Variants in CSMD3 observed in about 807,000 individuals in gnomAD.
CSMD3 encodes CUB and sushi domain-containing protein 3.
A neutral mutation model predicts 435.2 loss-of-function variants in CSMD3; 177 were observed. That is an observed-to-expected ratio of 0.41 (90% CI 0.36 to 0.46). The LOEUF (loss-of-function observed/expected upper bound fraction) is 0.46, where lower values mean the gene tolerates loss of function less well. CSMD3 is among the 20% of genes least tolerant of loss of function. The probability of loss-of-function intolerance (pLI) is 0.34; values close to 1 mark genes in which losing one functional copy is unlikely to be tolerated. For synonymous variants in CSMD3, 1,656 were observed against 1,520.5 expected (o/e 1.09, Z -2.07); for missense variants, 4,265 against 4,504.6 (o/e 0.95, Z 1.52).
chr8:113,436,620 A>G (rs2094708136), intron 1 of CSMD3, 57 bp downstream of exon 1: 2 of 1,500,816 alleles, frequency 1.3e-6, no homozygotes, highest in East Asian at 2.3e-5. Context: ...GCCTCTCTCC[A>G]TCTACAAGTC....
At chr8:113,185,852 G>A (rs954673711) in intron 3 of CSMD3, among the ~76,000 whole-genome samples, 40 of 152,098 alleles carry the variant, frequency 2.6e-4, no homozygotes, top group African/African-American at 9.1e-4. Flanking sequence ...CATAATCAGT[G>A]TCTATTCCTA....
chr8:112,234,968 A>G (rs1053720840), intron 67 of CSMD3, among the ~76,000 whole-genome samples: 2 of 152,200 alleles, frequency 1.3e-5, no homozygotes, highest in Non-Finnish European at 2.9e-5. Context: ...TAGGAGGTAT[A>G]AGTAAGGTAC....
At chr8:113,343,265 C>T (rs1301182374) in intron 1 of CSMD3, among the ~76,000 whole-genome samples, 1 of 152,032 alleles carries the variant, frequency 6.6e-6, no homozygotes, top group Non-Finnish European at 1.5e-5. Flanking sequence ...AAAATATGGT[C>T]TTAATGAGTT....
At chr8:112,926,385 C>T (rs2082912875) in intron 9 of CSMD3, among the ~76,000 whole-genome samples, 1 of 151,978 alleles carries the variant, frequency 6.6e-6, no homozygotes, top group South Asian at 2.1e-4. Flanking sequence ...TCTGCCCTAC[C>T]CAGCCAAATA....
intron 67 of CSMD3, among the ~76,000 whole-genome samples, chr8:112,236,092 T>C (rs1563669315): frequency 6.6e-6 from 1 of 151,996 alleles, no homozygotes; most frequent in East Asian, 1.9e-4. Flanking sequence ...TAACTTCTAA[T>C]ATTTTTACTT....
chr8:112,559,503 GC>G (rs1158307830), intron 24 of CSMD3, among the ~76,000 whole-genome samples: 1 of 151,768 alleles, frequency 6.6e-6, no homozygotes, highest in Middle Eastern at 3.2e-3. Flanking sequence ...TCATGGTGTT[GC>G]CCCCAGGAGT....
chr8:112,304,900 C>T lies in CSMD3; in HGVS notation c.8087G>A (p.Ser2696Asn), dbSNP rs2130779684. ...TPRCVVVTCP[S>N]INSFILEHGR... Reference sequence around the variant, plus strand: ...ATGTTCCAAGATAAAGGAATTGATGCTTGGACATGTAACAACTATACAAAA... The same window carrying T: ...ATGTTCCAAGATAAAGGAATTGATGTTTGGACATGTAACAACTATACAAAA... The change falls in exon 52 of 71, where the codon AGC (serine) becomes AAC (asparagine). Residue 2696 changes from serine (S) to asparagine (N), a missense_variant. Physicochemically the swap from Ser to Asn is conservative, Grantham distance 46 (BLOSUM62 1). Transcript: ENST00000297405. 2 of 1,613,432 alleles carry T rather than the reference C, an allele frequency of 1.2e-6. No homozygotes were observed. Among genetic ancestry groups the T allele is most frequent in the Non-Finnish European group, 1.7e-6 (2 of 1,179,686 alleles).
intron 27 of CSMD3, among the ~76,000 whole-genome samples, chr8:112,544,461 G>T (rs953125180): frequency 6.6e-6 from 1 of 151,984 alleles, no homozygotes; most frequent in African/African-American, 2.4e-5. Context: ...AAATAATAGT[G>T]TTTCATTTAA....
intron 22 of CSMD3, among the ~76,000 whole-genome samples, chr8:112,636,417 T>A (rs2074658206): frequency 6.6e-6 from 1 of 152,134 alleles, no homozygotes. Context: ...CAGAATATAC[T>A]ATCAATAGAA....
chr8:112,517,089 G>A lies in CSMD3; in HGVS notation c.4701C>T (p.Thr1567=), dbSNP rs373293740. Residue 1567 remains threonine, a synonymous_variant, in exon 28 of 71, where the codon ACC becomes ACT. Coordinates refer to ENST00000297405, the MANE Select transcript of CSMD3 (RefSeq NM_198123.2). ...AGTACCGATTTTCTACCTGAATGCA[G>A]GTTATTCTTTCCTCTCCTTGAAGTT... ...GYELQGEERI[T]CIQVENRYFW... is the part of the protein sequence containing the mutation. 78 of 1,613,874 alleles carry A rather than the reference G, an allele frequency of 4.8e-5. No homozygotes were observed. The highest frequency in any genetic ancestry group is 3.3e-4 in the Middle Eastern group (2 of 6,032).
At chr8:113,324,183 G>A (rs1217671425) in intron 1 of CSMD3, among the ~76,000 whole-genome samples, 1 of 152,174 alleles carries the variant, frequency 6.6e-6, no homozygotes, top group Non-Finnish European at 1.5e-5. Context: ...CATTTTCTGA[G>A]GAGAAATTCA....
At position 112,829,827 on chromosome 8, in the gene CSMD3, C is replaced by T. The variant is rs202177968; in HGVS notation, c.1756-38G>A. ...AGAAACATGCACCTTAAATATACTG[C>T]GTTGTGCAATAAAAACAACAAAAAA... On this transcript the variant is annotated intron_variant, in intron 11 of 70. Transcript: ENST00000297405. 5.5e-5 allele frequency: 61 copies of T among 1,108,392 alleles called. 1 individual carries two copies. Among genetic ancestry groups the T allele is most frequent in the East Asian group, 1.7e-4 (7 of 41,748 alleles). The allele number at this position is 1,108,392 out of a possible 1,614,324, so 68.7% of individuals were successfully genotyped here. A position where few individuals can be genotyped will look rare whatever the true frequency, so the allele number is the denominator to read the frequency against.
chr8:112,537,747 A>G (rs1442428874), intron 27 of CSMD3, among the ~76,000 whole-genome samples: 2 of 151,880 alleles, frequency 1.3e-5, no homozygotes, highest in African/African-American at 2.4e-5. Flanking sequence ...AAAGTCCCCC[A>G]TCAATAAAAA....
intron 51 of CSMD3, among the ~76,000 whole-genome samples, chr8:112,305,697 T>G (rs976171854): frequency 6.6e-6 from 1 of 152,122 alleles, no homozygotes; most frequent in Non-Finnish European, 1.5e-5. Flanking sequence ...TTAAAAATTT[T>G]CTCAAGGGGC....
At position 112,638,455 on chromosome 8, in the gene CSMD3, A is replaced by G. The variant is rs538976241; in HGVS notation, c.3526+241T>C. Among the ~76,000 whole-genome samples the G allele has an allele frequency of 8.6e-5, 13 of 151,192 alleles. No homozygotes were observed. In the East Asian group the frequency reaches 2.3e-3, roughly 27 times the overall value. ...TAAATTAAAGAAATGTAATTATTGTACTTCCGGTAGATTTATAGCAAATTA... is the reference window on the plus strand; with the variant it reads ...TAAATTAAAGAAATGTAATTATTGTGCTTCCGGTAGATTTATAGCAAATTA... On this transcript the variant is annotated intron_variant, in intron 21 of 70. Transcript: ENST00000297405.
At chr8:113,365,424 A>T (rs1359598446) in intron 1 of CSMD3, among the ~76,000 whole-genome samples, 1 of 152,044 alleles carries the variant, frequency 6.6e-6, no homozygotes, top group East Asian at 1.9e-4. Context: ...AAAGGATGAA[A>T]TGTATAATCC....
chr8:112,756,460 G>C (rs549996552), intron 13 of CSMD3, among the ~76,000 whole-genome samples: 2 of 152,226 alleles, frequency 1.3e-5, no homozygotes, highest in East Asian at 1.9e-4. Flanking sequence ...GAAACAGGGA[G>C]GCATTCTCTC....
chr8:112,463,466 CTTCTCTTGTT>C (rs1430065318), intron 32 of CSMD3, among the ~76,000 whole-genome samples: 1 of 152,208 alleles, frequency 6.6e-6, no homozygotes, highest in Non-Finnish European at 1.5e-5. Flanking sequence ...AGAGGTCTTT[CTTCTCTTGTT>C]TTCTCTTGGT....
chr8:112,367,862 C>T (rs1317682169), intron 38 of CSMD3, among the ~76,000 whole-genome samples: 1 of 152,154 alleles, frequency 6.6e-6, no homozygotes, highest in East Asian at 1.9e-4. Flanking sequence ...TTGACTACTC[C>T]AGCTATGTGG....
Sources: allele counts gnomAD v4.1 joint callset (sites outside exome capture counted in the v4.1 genomes callset), GRCh38; gene constraint gnomAD v4.1.1; transcripts MANE v1.5; gene names NCBI Gene and HGNC (gene_info 2026-07-23, HGNC 2026-07-21).